The following PRIM2 variants were observed in gnomAD, a reference collection of about 807,000 sequenced individuals.
The protein encoded by PRIM2 is DNA primase subunit 2, also known as DNA primase large subunit.
Under a neutral mutation model 67.3 loss-of-function variants are expected in PRIM2, and 39 were observed. That is an observed-to-expected ratio of 0.58 (90% CI 0.45 to 0.76). The LOEUF is 0.76. PRIM2 is among the 30% of genes least tolerant of loss of function. The pLI is 0.00. For missense variants in PRIM2, 398 were observed against 598.7 expected, an observed-to-expected ratio of 0.66 and a Z score of 3.50; for synonymous variants, 143 against 198.7, an observed-to-expected ratio of 0.72 and a Z score of 2.36.
At chr6:57,299,415 C>G in the PRIM2 span, among the ~76,000 whole-genome samples, 1 of 152,104 alleles carries the variant, frequency 6.6e-6, no homozygotes, top group Non-Finnish European at 1.5e-5. Flanking sequence ...TTTCTATACC[C>G]ATGGTTCTTT....
At chr6:57,484,179 G>A (rs1773693443) in intron 7 of PRIM2, among the ~76,000 whole-genome samples, 1 of 152,128 alleles carries the variant, frequency 6.6e-6, no homozygotes, top group Admixed American at 6.5e-5. Flanking sequence ...GACCTGGCTT[G>A]AGCTTTATAG....
intron 7 of PRIM2, among the ~76,000 whole-genome samples, chr6:57,406,768 T>G (rs1770904989): frequency 6.6e-6 from 1 of 152,172 alleles, no homozygotes; most frequent in African/African-American, 2.4e-5. Context: ...TTATTTTTAA[T>G]AATTTTATAT....
At chr6:57,243,326 G>A in the PRIM2 span, among the ~76,000 whole-genome samples, 4 of 152,160 alleles carry the variant, frequency 2.6e-5, no homozygotes, top group Non-Finnish European at 5.9e-5. Context: ...GTTCAGAATG[G>A]GAGGCTGTGT....
chr6:57,600,318 T>A (rs1307702364), intron 10 of PRIM2, among the ~76,000 whole-genome samples: 1 of 147,446 alleles, frequency 6.8e-6, no homozygotes, highest in Non-Finnish European at 1.5e-5. Context: ...CTTTGTATAG[T>A]GGAAATCCAG....
At chr6:57,256,675 GCACA>G in the PRIM2 span, among the ~76,000 whole-genome samples, 2 of 131,446 alleles carry the variant, frequency 1.5e-5, no homozygotes, top group Non-Finnish European at 3.3e-5. Flanking sequence ...TGCCATGCAG[GCACA>G]CACACACAGT....
intron 5 of PRIM2, among the ~76,000 whole-genome samples, chr6:57,376,042 A>T (rs1177958561): frequency 1.3e-5 from 2 of 152,278 alleles, no homozygotes; most frequent in East Asian, 1.9e-4. Flanking sequence ...TCCCATCTCT[A>T]TAAGAAAAAA....
chr6:57,438,174 C>G (rs933478671), intron 7 of PRIM2, among the ~76,000 whole-genome samples: 2 of 152,054 alleles, frequency 1.3e-5, no homozygotes, highest in African/African-American at 4.8e-5. Flanking sequence ...ATAATTTGTT[C>G]TTTTAGATTT....
chr6:57,431,699 A>C (rs1196603055), intron 7 of PRIM2, among the ~76,000 whole-genome samples: 1 of 152,188 alleles, frequency 6.6e-6, no homozygotes, highest in Non-Finnish European at 1.5e-5. Flanking sequence ...TTGAGAGATA[A>C]ACCTAGGGAT....
chr6:57,447,642 G>A lies in PRIM2; in HGVS notation c.694-59745G>A, dbSNP rs373257102. Among the ~76,000 whole-genome samples, 330 of 152,304 alleles carry A rather than the reference G, an allele frequency of 2.2e-3. 1 individual carries two copies. The highest frequency in any genetic ancestry group is 6.2e-4 in the Non-Finnish European group (42 of 68,022). On this transcript the variant is annotated intron_variant, in intron 7 of 13. Coordinates refer to ENST00000615550, the MANE Select transcript of PRIM2 (RefSeq NM_000947.5). Reference sequence around the variant, plus strand: ...ATAAACTTGACTAGGGTAAGATACCGTAATAGAAGGCTGTAGAAGTGAGGC... The same window carrying A: ...ATAAACTTGACTAGGGTAAGATACCATAATAGAAGGCTGTAGAAGTGAGGC...
the PRIM2 span, among the ~76,000 whole-genome samples, chr6:57,300,824 A>G: frequency 6.6e-6 from 1 of 152,068 alleles, no homozygotes; most frequent in African/African-American, 2.4e-5. Flanking sequence ...TTATTTCTTT[A>G]TTAAAGCATC....
chr6:57,328,768 A>G (rs1229868951), intron 5 of PRIM2, among the ~76,000 whole-genome samples: 1 of 152,184 alleles, frequency 6.6e-6, no homozygotes, highest in Non-Finnish European at 1.5e-5. Flanking sequence ...CTGTATCATT[A>G]TATATCTTAC....
chr6:57,416,430 G>T (rs1307786633), intron 7 of PRIM2, among the ~76,000 whole-genome samples: 1 of 152,082 alleles, frequency 6.6e-6, no homozygotes, highest in Non-Finnish European at 1.5e-5. Context: ...AGTGGATTTG[G>T]CCTAATTCTT....
intron 12 of PRIM2, among the ~76,000 whole-genome samples, chr6:57,630,087 AG>A (rs1441438715): frequency 6.7e-6 from 1 of 150,040 alleles, no homozygotes; most frequent in Non-Finnish European, 1.5e-5. Context: ...TGAAGATAAA[AG>A]TATCTACCAA....
intron 7 of PRIM2, among the ~76,000 whole-genome samples, chr6:57,412,338 A>G (rs1201162007): frequency 6.6e-6 from 1 of 152,084 alleles, no homozygotes; most frequent in Non-Finnish European, 1.5e-5. Flanking sequence ...TATTTATCTA[A>G]TTATTGATAT....
At chr6:57,327,114 T>C (rs1393485673) in intron 5 of PRIM2, among the ~76,000 whole-genome samples, 1 of 151,950 alleles carries the variant, frequency 6.6e-6, no homozygotes, top group Admixed American at 6.5e-5. Flanking sequence ...TTGGCCAGGG[T>C]GGTCTTGAAC....
intron 7 of PRIM2, among the ~76,000 whole-genome samples, chr6:57,468,486 A>G: frequency 6.6e-6 from 1 of 152,206 alleles, no homozygotes; most frequent in Non-Finnish European, 1.5e-5. Context: ...AGCCAAGTTT[A>G]TTGTGCTGTA....
At chr6:57,340,881 G>C (rs1768458078) in intron 5 of PRIM2, among the ~76,000 whole-genome samples, 1 of 152,072 alleles carries the variant, frequency 6.6e-6, no homozygotes, top group East Asian at 1.9e-4. Flanking sequence ...ATGGTGTTGA[G>C]TCTTTTTGTT....
At chr6:57,542,939 A>ATTTTTTTT (rs1193756482) in intron 10 of PRIM2, among the ~76,000 whole-genome samples, 2,589 of 71,800 alleles carry the variant, frequency 0.036, 744 homozygotes, top group African/African-American at 0.15. Context: ...TGCTTATAGG[A>ATTTTTTTT]TTTTTTTTTT....
At chr6:57,397,668 A>T (rs1041800472) in intron 7 of PRIM2, among the ~76,000 whole-genome samples, 3 of 151,916 alleles carry the variant, frequency 2.0e-5, no homozygotes, top group African/African-American at 7.3e-5. Flanking sequence ...TTTTCAGGTG[A>T]ATCAGGGATT....
Sources: allele counts gnomAD v4.1 joint callset (sites outside exome capture counted in the v4.1 genomes callset), GRCh38; gene constraint gnomAD v4.1.1; transcripts MANE v1.5; gene names NCBI Gene and HGNC (gene_info 2026-07-23, HGNC 2026-07-21).